The following ASTN1 variants were observed in gnomAD, a reference collection of about 807,000 sequenced individuals.
ASTN1 encodes astrotactin-1.
ASTN1 carries 41 observed loss-of-function variants against 140.7 expected under a neutral mutation model. The ratio of observed to expected loss-of-function variants is 0.29; its 90% confidence interval spans 0.23 to 0.38. ASTN1 has a LOEUF of 0.38. ASTN1 is among the 10% of genes least tolerant of loss of function. ASTN1 has a pLI of 1.00. For missense variants in ASTN1, 1,479 were observed against 1,678.8 expected (o/e 0.88, Z 2.08); for synonymous variants, 640 against 652.2 (o/e 0.98, Z 0.29).
chr1:176,919,297 A>G (rs1013414529), intron 16 of ASTN1, among the ~76,000 whole-genome samples: 7 of 152,258 alleles, frequency 4.6e-5, no homozygotes, highest in Non-Finnish European at 8.8e-5. Flanking sequence ...GAATTACAAA[A>G]GAGATTTTCT....
chr1:176,890,739 C>T (rs1669223864), intron 17 of ASTN1, among the ~76,000 whole-genome samples: 1 of 152,200 alleles, frequency 6.6e-6, no homozygotes, highest in African/African-American at 2.4e-5. Flanking sequence ...AGAGTTCCTA[C>T]TCTGGGCAGG....
intron 2 of ASTN1, among the ~76,000 whole-genome samples, chr1:177,033,148 T>TGTGTGG (rs1676534610): frequency 6.6e-6 from 1 of 151,942 alleles, no homozygotes; most frequent in East Asian, 1.9e-4. Context: ...TGTGTGTGTG[T>TGTGTGG]GTGTGTGTGC....
At chr1:177,053,100 A>G (rs1158731565) in intron 2 of ASTN1, among the ~76,000 whole-genome samples, 1 of 152,356 alleles carries the variant, frequency 6.6e-6, no homozygotes, top group Non-Finnish European at 1.5e-5. Flanking sequence ...CTTAGTGAGC[A>G]ATAGCTTTAT....
intron 1 of ASTN1, among the ~76,000 whole-genome samples, chr1:177,145,200 T>A (rs1189839702): frequency 2.0e-5 from 3 of 152,300 alleles, no homozygotes; most frequent in Admixed American, 1.3e-4. Context: ...TGGATTTAGG[T>A]GTGCTGTCTT....
At chr1:177,024,506 T>C in intron 6 of ASTN1, 77 bp downstream of exon 6, 1 of 1,538,184 alleles carries the variant, frequency 6.5e-7, no homozygotes, top group South Asian at 1.2e-5. Context: ...GTGACTCCTG[T>C]CTTCTCTAGC....
At chr1:176,968,188 G>C (rs765553598) in intron 8 of ASTN1, among the ~76,000 whole-genome samples, 1 of 152,238 alleles carries the variant, frequency 6.6e-6, no homozygotes, top group Non-Finnish European at 1.5e-5. Flanking sequence ...AAGTTGTTAT[G>C]AGGAGGAACT....
chr1:176,911,285 C>T (rs1253022149), intron 16 of ASTN1, among the ~76,000 whole-genome samples: 1 of 152,178 alleles, frequency 6.6e-6, no homozygotes, highest in Non-Finnish European at 1.5e-5. Context: ...TAGGGCATTA[C>T]AGTACACTCC....
chr1:177,071,245 C>T (rs375800333), intron 1 of ASTN1, among the ~76,000 whole-genome samples: 36 of 152,292 alleles, frequency 2.4e-4, no homozygotes, highest in Middle Eastern at 3.4e-3. Context: ...GCCATGCTAT[C>T]TAGGCCCATT....
At chr1:177,138,812 C>T (rs996698851) in intron 1 of ASTN1, among the ~76,000 whole-genome samples, 6 of 152,204 alleles carry the variant, frequency 3.9e-5, no homozygotes, top group African/African-American at 7.2e-5. Context: ...TTATTGGTGC[C>T]GAAAACTGTG....
chr1:177,127,794 G>A (rs1028300737), intron 1 of ASTN1, among the ~76,000 whole-genome samples: 7 of 152,148 alleles, frequency 4.6e-5, no homozygotes, highest in Admixed American at 2.0e-4. Flanking sequence ...GGATGGCATC[G>A]CATTTTGATG....
At position 177,164,400 on chromosome 1, in the gene ASTN1, C is replaced by G. The variant is rs1281225900; in HGVS notation, c.277G>C (p.Val93Leu). ...DLENTELPYFVLEISGNTEDI... is the reference protein window; with the variant it reads ...DLENTELPYFLLEISGNTEDI... The stretch of plus-strand genomic sequence containing the variant: ...GACCTCCCCCGGGACTCACCCAGCA[C>G]GAAGTAGGGCAGCTCCGTGTTCTCC... The change falls in exon 1 of 23, where the codon GTG becomes CTG. Residue 93 changes from valine to leucine, a missense_variant. Transcript: ENST00000361833. The G allele has an allele frequency of 6.3e-7, 1 of 1,594,946 alleles. No homozygotes were observed. Among genetic ancestry groups the G allele is most frequent in the Non-Finnish European group, 8.6e-7 (1 of 1,169,062 alleles).
At chr1:176,869,145 C>A (rs1291722695) in intron 21 of ASTN1, 118 bp from the exon 22 acceptor site, 2 of 643,970 alleles carry the variant, frequency 3.1e-6, no homozygotes, top group Non-Finnish European at 4.6e-6. Flanking sequence ...ATATGTAGAT[C>A]ATTTATAATG....
chr1:177,044,044 G>A (rs1047050381), intron 2 of ASTN1, among the ~76,000 whole-genome samples: 2 of 151,930 alleles, frequency 1.3e-5, no homozygotes, highest in Non-Finnish European at 2.9e-5. Context: ...TCATTAGGAC[G>A]GGCTTCGTTA....
At chr1:177,029,854 T>C (rs1169466135) in intron 4 of ASTN1, 113 bp from the exon 5 acceptor site, 3 of 1,038,094 alleles carry the variant, frequency 2.9e-6, no homozygotes, top group African/African-American at 3.2e-5. Context: ...AGCTGACTGA[T>C]AATCTGGGAG....
chr1:176,895,195 A>T (rs1669454536), intron 16 of ASTN1, among the ~76,000 whole-genome samples: 1 of 152,248 alleles, frequency 6.6e-6, no homozygotes, highest in Non-Finnish European at 1.5e-5. Context: ...AATAGTATCT[A>T]TGTCTAGCAT....
chr1:176,864,572 G>A (rs983250712), intron 22 of ASTN1, 51 bp from the exon 23 acceptor site: 39 of 1,596,890 alleles, frequency 2.4e-5, no homozygotes, highest in Non-Finnish European at 3.1e-5. Flanking sequence ...AGAGGGTCTG[G>A]ATGAGCACAG....
chr1:177,132,607 TC>T (rs1681994776), intron 1 of ASTN1, among the ~76,000 whole-genome samples: 1 of 152,090 alleles, frequency 6.6e-6, no homozygotes, highest in Admixed American at 6.6e-5. Flanking sequence ...TAATCTAGAA[TC>T]CCTCCAAGTT....
At chr1:177,101,521 T>C (rs1297438835) in intron 1 of ASTN1, among the ~76,000 whole-genome samples, 1 of 152,164 alleles carries the variant, frequency 6.6e-6, no homozygotes, top group African/African-American at 2.4e-5. Flanking sequence ...ACCTATGGTG[T>C]TCAAGTTACT....
chr1:176,992,155 A>C (rs1008714781), intron 8 of ASTN1, among the ~76,000 whole-genome samples: 3 of 152,180 alleles, frequency 2.0e-5, no homozygotes, highest in African/African-American at 7.2e-5. Context: ...GCCATCCCCC[A>C]AGTCCCTCAA....
Sources: allele counts gnomAD v4.1 joint callset (sites outside exome capture counted in the v4.1 genomes callset), GRCh38; gene constraint gnomAD v4.1.1; transcripts MANE v1.5; gene names NCBI Gene and HGNC (gene_info 2026-07-23, HGNC 2026-07-21).